Variants in COL10A1 observed in about 807,000 individuals in gnomAD.
The protein encoded by COL10A1 is collagen alpha-1(X) chain.
In COL10A1, 10 loss-of-function variants were observed where a neutral mutation model predicts 18.2. The ratio of observed to expected loss-of-function variants is 0.55; its 90% CI spans 0.34 to 0.93. The LOEUF is 0.93. Among genes scored for constraint, COL10A1 ranks in the 40% least tolerant of loss-of-function variants. The pLI is 0.02. For missense variants in COL10A1, 897 were observed against 853.5 expected (o/e 1.05, Z -0.64); for synonymous variants, 330 against 316.6 (o/e 1.04, Z -0.45).
At chr6:116,141,884 A>AC (rs1562135650) in intron 1 of COL10A1, among the ~76,000 whole-genome samples, 1 of 118,980 alleles carries the variant, frequency 8.4e-6, no homozygotes, top group African/African-American at 3.6e-5. Context: ...GCCAAAAAGA[A>AC]AACACACACA....
At chr6:116,216,141 C>T in the COL10A1 span, among the ~76,000 whole-genome samples, 1 of 152,014 alleles carries the variant, frequency 6.6e-6, no homozygotes, top group Non-Finnish European at 1.5e-5. Context: ...TCATCAACCA[C>T]AATGACATTT....
At chr6:116,216,075 C>G in the COL10A1 span, among the ~76,000 whole-genome samples, 15,328 of 152,038 alleles carry the variant, frequency 0.1, 1,292 homozygotes, top group African/African-American at 0.23. Context: ...CAATACTTAA[C>G]TAAATCTAGA....
intron 1 of COL10A1, among the ~76,000 whole-genome samples, chr6:116,157,142 C>G (rs1210726710): frequency 2.0e-5 from 3 of 152,160 alleles, no homozygotes; most frequent in Non-Finnish European, 4.4e-5. Flanking sequence ...CAAAGCAAAA[C>G]TAACCTTTGG....
At chr6:116,193,556 A>T in the COL10A1 span, among the ~76,000 whole-genome samples, 1 of 152,108 alleles carries the variant, frequency 6.6e-6, no homozygotes, top group Non-Finnish European at 1.5e-5. Flanking sequence ...AAAATAATAT[A>T]TGCAAGCAAT....
intron 1 of COL10A1, among the ~76,000 whole-genome samples, chr6:116,145,050 GA>G (rs1223075198): frequency 6.6e-6 from 1 of 152,150 alleles, no homozygotes; most frequent in African/African-American, 2.4e-5. Flanking sequence ...TGATACATGA[GA>G]AATGGAATGC....
the COL10A1 span, among the ~76,000 whole-genome samples, chr6:116,166,377 G>T: frequency 2.6e-5 from 4 of 152,180 alleles, no homozygotes; most frequent in Non-Finnish European, 5.9e-5. Context: ...ATGGTGGTTG[G>T]ATATTCAGTT....
the COL10A1 span, among the ~76,000 whole-genome samples, chr6:116,165,059 T>TG: frequency 7.1e-6 from 1 of 141,050 alleles, no homozygotes; most frequent in African/African-American, 2.7e-5. Context: ...ATTGCACCAC[T>TG]GCGCTTCAGT....
chr6:116,144,598 A>G (rs991059256), intron 1 of COL10A1, among the ~76,000 whole-genome samples: 2 of 152,308 alleles, frequency 1.3e-5, no homozygotes, highest in Admixed American at 6.5e-5. Flanking sequence ...TTAGAATTCA[A>G]ATATTTGGGT....
At chr6:116,182,044 C>G in the COL10A1 span, among the ~76,000 whole-genome samples, 10 of 151,958 alleles carry the variant, frequency 6.6e-5, no homozygotes, top group African/African-American at 2.4e-4. Context: ...CTCCGCGTCC[C>G]CAAAGTCCAG....
upstream of COL10A1, among the ~76,000 whole-genome samples, chr6:116,161,713 T>C (rs1193551296): frequency 1.3e-5 from 2 of 152,216 alleles, no homozygotes; most frequent in African/African-American, 2.4e-5. Flanking sequence ...CTATTTAGGC[T>C]CTTATGGGTT....
At chr6:116,174,760 G>A in the COL10A1 span, among the ~76,000 whole-genome samples, 1 of 151,972 alleles carries the variant, frequency 6.6e-6, no homozygotes, top group Non-Finnish European at 1.5e-5. Context: ...ACTCCATTTT[G>A]AAGGACTCAG....
chr6:116,160,418 T>C (rs1181137256), upstream of COL10A1, among the ~76,000 whole-genome samples: 1 of 152,176 alleles, frequency 6.6e-6, no homozygotes, highest in Non-Finnish European at 1.5e-5. Flanking sequence ...TGTCTTATTT[T>C]GAGAAGTGTC....
the COL10A1 span, among the ~76,000 whole-genome samples, chr6:116,204,143 G>A: frequency 6.6e-6 from 1 of 151,904 alleles, no homozygotes; most frequent in Admixed American, 6.6e-5. Flanking sequence ...CTGTGAGCCT[G>A]AAGGCTTTTG....
In COL10A1 at chr6:116,121,701, C is replaced by T. The variant is rs1304966318; in HGVS notation, c.415G>A (p.Gly139Ser). Reference protein sequence around the residue: ...VGPAGLPGPRGPPGPPGIPGP... With the variant: ...VGPAGLPGPRSPPGPPGIPGP... Reference sequence around the variant, plus strand: ...GGGATTCCAGGTGGTCCTGGTGGGCCCCGGGGTCCTGGTAGGCCAGCTGGT... The same window carrying T: ...GGGATTCCAGGTGGTCCTGGTGGGCTCCGGGGTCCTGGTAGGCCAGCTGGT... The change falls in exon 3 of 3, where the codon GGC becomes AGC. Residue 139 changes from glycine to serine, a missense_variant. Coordinates refer to ENST00000651968, the MANE Select transcript of COL10A1 (RefSeq NM_000493.4). 6.2e-7 allele frequency: 1 copy of T among 1,614,038 alleles called. No individual in the cohort carries two copies. Among genetic ancestry groups the T allele is most frequent in the Admixed American group, 1.7e-5 (1 of 60,024 alleles).
intron 1 of COL10A1, among the ~76,000 whole-genome samples, chr6:116,139,434 G>A (rs1227741272): frequency 6.6e-6 from 1 of 152,010 alleles, no homozygotes. Flanking sequence ...CCACCTATTT[G>A]TATACTTTTT....
chr6:116,191,184 CTAAA>C, the COL10A1 span, among the ~76,000 whole-genome samples: 39 of 151,726 alleles, frequency 2.6e-4, no homozygotes, highest in Non-Finnish European at 4.9e-4. Context: ...AGTCGATATC[CTAAA>C]TAAAGAAAGA....
At chr6:116,179,414 A>C in the COL10A1 span, among the ~76,000 whole-genome samples, 1 of 152,098 alleles carries the variant, frequency 6.6e-6, no homozygotes, top group Non-Finnish European at 1.5e-5. Context: ...AATATCTAGA[A>C]TCTACAAGGA....
chr6:116,150,038 T>A (rs1461654156), intron 1 of COL10A1, among the ~76,000 whole-genome samples: 1 of 152,148 alleles, frequency 6.6e-6, no homozygotes, highest in African/African-American at 2.4e-5. Flanking sequence ...AGAGAAGGCT[T>A]GTGGGCCATA....
At chr6:116,180,576 G>A in the COL10A1 span, among the ~76,000 whole-genome samples, 1 of 152,050 alleles carries the variant, frequency 6.6e-6, no homozygotes, top group Admixed American at 6.6e-5. Context: ...CAGCCATTTT[G>A]TGCCTCATGA....
Sources: gnomAD v4.1 joint callset for allele counts (sites outside exome capture counted in the v4.1 genomes callset) on GRCh38, gnomAD v4.1.1 for gene constraint, MANE v1.5 for transcripts, NCBI Gene and HGNC (gene_info 2026-07-23, HGNC 2026-07-21) for gene names.